The following BCAS2 variants were observed in gnomAD, a reference collection of about 807,000 sequenced individuals.
BCAS2 encodes BCAS2 pre-mRNA processing factor.
BCAS2 carries 34 observed loss-of-function variants against 35.3 expected under a neutral mutation model. The observed-to-expected ratio is 0.96, with a 90% CI of 0.73 to 1.28. The LOEUF (loss-of-function observed/expected upper bound fraction) is 1.28. BCAS2 is among the 50% of genes most tolerant of loss of function. The pLI is 0.00. For synonymous variants in BCAS2, 75 were observed against 91.6 expected, an observed-to-expected ratio of 0.82 and a Z score of 1.03; for missense variants, 221 against 268.1, an observed-to-expected ratio of 0.82 and a Z score of 1.23.
chr1:114,581,580 T>G lies in BCAS2; in HGVS notation c.12A>C (p.Thr4=). 1 of 1,603,436 alleles carries G rather than the reference T, an allele frequency of 6.2e-7. No homozygotes were observed. MAG[T]GLVAGEVVVD... Reference sequence around the variant, plus strand: ...CCACAACCTCTCCAGCCACCAAACCTGTGCCCGCCATTCTGAGGACCTCAG... The same window carrying G: ...CCACAACCTCTCCAGCCACCAAACCGGTGCCCGCCATTCTGAGGACCTCAG... Residue 4 remains threonine (T), a synonymous_variant, in exon 1 of 7, where the codon ACA becomes ACC. Coordinates refer to ENST00000369541, the MANE Select transcript of BCAS2 (RefSeq NM_005872.3).
chr1:114,570,403 T>C (rs2101626262), intron 5 of BCAS2, among the ~76,000 whole-genome samples: 1 of 152,318 alleles, frequency 6.6e-6, no homozygotes, highest in East Asian at 1.9e-4. Context: ...TATGTGTGTG[T>C]AGAAATTGGT....
chr1:114,576,247 C>CTCTCTATATA (rs1423198106), intron 3 of BCAS2, among the ~76,000 whole-genome samples: 4 of 131,652 alleles, frequency 3.0e-5, no homozygotes, highest in African/African-American at 1.2e-4. Flanking sequence ...CTCTCTCTCT[C>CTCTCTATATA]TATATATATA....
Position 114,568,218 on chromosome 1 carries a change from C to T in BCAS2, c.590G>A (p.Arg197Gln), listed in dbSNP as rs752538298. 6 of 1,613,712 alleles carry T rather than the reference C, an allele frequency of 3.7e-6. No homozygotes were observed. Among genetic ancestry groups the T allele is most frequent in the Non-Finnish European group, 4.2e-6 (5 of 1,179,846 alleles). The change falls in exon 7 of 7, where the codon CGG (arginine) becomes CAG (glutamine). Residue 197 changes from arginine (R) to glutamine (Q), a missense_variant. Physicochemically the swap from Arg to Gln is conservative, Grantham distance 43. Transcript: ENST00000369541. The part of the protein sequence containing the change: ...SLVSKNYEIE[R>Q]TIVQLENEIY... ...TTCATTTTCTAGCTGAACAATAGTC[C>T]GTTCAATCTCATAATTCTTACTGAC...
chr1:114,574,228 CATT>C (rs1654708218), intron 4 of BCAS2, among the ~76,000 whole-genome samples: 1 of 152,172 alleles, frequency 6.6e-6, no homozygotes, highest in Non-Finnish European at 1.5e-5. Context: ...GTTTTGCAGT[CATT>C]CATGGACATG....
chr1:114,575,607 G>A lies in BCAS2; in HGVS notation c.402C>T (p.Ala134=), dbSNP rs760599724. ...LELMSQHGCN[A]WKVYNENLVH... ...GTTCTTACTCATTGTATACTTTCCA[G>A]GCATTACATCCATGCTGTGACATTA... The change falls in exon 4 of 7, where the codon GCC becomes GCT. Residue 134 remains alanine (A), a synonymous_variant. Transcript: ENST00000369541. 14 of 1,603,268 alleles carry A rather than the reference G, an allele frequency of 8.7e-6. No homozygotes were observed. The Admixed American group carries it at 1.8e-4, about 20-fold the overall frequency.
chr1:114,575,711 T>G lies in BCAS2; in HGVS notation c.298A>C (p.Ile100Leu). ...TTTACACATTCTTGCCATGCAGTAA[T>G]GTCATTTTTTTGACCAGAGGAGGGG... Reference protein sequence around the residue: ...PAPSSGQKNDITAWQECVNNS... With the variant: ...PAPSSGQKNDLTAWQECVNNS... Residue 100 changes from isoleucine (I) to leucine (L), a missense_variant, in exon 4 of 7, where the codon ATT becomes CTT. Transcript: ENST00000369541. The G allele has an allele frequency of 6.2e-7, 1 of 1,613,070 alleles. No homozygotes were observed. Among genetic ancestry groups the G allele is most frequent in the South Asian group, 1.1e-5 (1 of 90,644 alleles).
rs778383536 is a variant in BCAS2, at chr1:114,581,408, G to A, written c.94-17C>T. 5.6e-6 allele frequency: 9 copies of A among 1,613,980 alleles called. No homozygotes were observed. Among genetic ancestry groups the A allele is most frequent in the South Asian group, 1.1e-5 (1 of 91,080 alleles). On this transcript the variant is annotated splice_polypyrimidine_tract_variant and intron_variant, in intron 1 of 6. Coordinates refer to ENST00000369541, the MANE Select transcript of BCAS2 (RefSeq NM_005872.3). ...CGCTGCAGCCTAAGAAAGAGAATAGGGACCAGGGTAGAAGTGGCAAATTGT... is the reference window on the plus strand; with the variant it reads ...CGCTGCAGCCTAAGAAAGAGAATAGAGACCAGGGTAGAAGTGGCAAATTGT...
chr1:114,580,888 A>C (rs886624673), intron 2 of BCAS2, among the ~76,000 whole-genome samples: 1 of 152,180 alleles, frequency 6.6e-6, no homozygotes, highest in African/African-American at 2.4e-5. Context: ...CAGTCGTATC[A>C]CATACATTTG....
Position 114,567,994 on chromosome 1 carries a change from G to A in BCAS2, c.*136C>T. 1 of 1,172,612 alleles carries A rather than the reference G, an allele frequency of 8.5e-7. No homozygotes were observed. The highest frequency in any genetic ancestry group is 1.2e-6 in the Non-Finnish European group (1 of 825,120). 72.6% of individuals were successfully genotyped at this position (1,172,612 alleles called of 1,614,324 possible). On this transcript the variant is annotated 3_prime_UTR_variant, in exon 7 of 7. Coordinates refer to ENST00000369541, the MANE Select transcript of BCAS2 (RefSeq NM_005872.3). ...ATATACAAATAGAATTACCACAGCA[G>A]CCTACACCTTCTATGATTTCTAAAC...
Position 114,575,604 on chromosome 1 carries a change from C to T in BCAS2, c.405G>A (p.Trp135Ter). Residue 135 changes from tryptophan (W) to a stop codon, truncating the protein, a stop_gained, in exon 4 of 7, where the codon TGG (tryptophan) becomes TGA (stop). Transcript: ENST00000369541. LOFTEE classifies it high-confidence loss of function. ...AAGGTTCTTACTCATTGTATACTTT[C>T]CAGGCATTACATCCATGCTGTGACA... ...ELMSQHGCNA[W>*]KVYNENLVHM... The T allele has an allele frequency of 1.2e-6, 2 of 1,602,492 alleles. No homozygotes were observed. Among genetic ancestry groups the T allele is most frequent in the Non-Finnish European group, 1.7e-6 (2 of 1,177,484 alleles).
At chr1:114,579,608 T>C (rs190438949) in intron 2 of BCAS2, among the ~76,000 whole-genome samples, 56 of 152,264 alleles carry the variant, frequency 3.7e-4, no homozygotes, top group African/African-American at 1.3e-3. Flanking sequence ...GGCTTACACC[T>C]GTATCCCAAC....
At chr1:114,574,383 T>C (rs1469446774) in intron 4 of BCAS2, among the ~76,000 whole-genome samples, 1 of 152,234 alleles carries the variant, frequency 6.6e-6, no homozygotes, top group Non-Finnish European at 1.5e-5. Context: ...TGGGATCTGT[T>C]AGTGGGGCAG....
At chr1:114,574,291 A>C (rs1244405770) in intron 4 of BCAS2, among the ~76,000 whole-genome samples, 1 of 152,254 alleles carries the variant, frequency 6.6e-6, no homozygotes, top group African/African-American at 2.4e-5. Flanking sequence ...TTTTCAGCTG[A>C]GGATGAACAA....
intron 4 of BCAS2, among the ~76,000 whole-genome samples, chr1:114,571,946 G>A (rs778881153): frequency 2.0e-5 from 3 of 152,174 alleles, no homozygotes; most frequent in Non-Finnish European, 4.4e-5. Flanking sequence ...CAATAATACA[G>A]AGTACCATAT....
At chr1:114,570,193 GCTAA>G in intron 5 of BCAS2, 121 bp from the exon 6 acceptor site, 1 of 669,880 alleles carries the variant, frequency 1.5e-6, no homozygotes, top group South Asian at 2.0e-5. Flanking sequence ...ACAGTTATAG[GCTAA>G]CTGTAGAAAT....
intron 2 of BCAS2, among the ~76,000 whole-genome samples, chr1:114,578,548 G>A (rs766568216): frequency 2.6e-5 from 4 of 152,190 alleles, no homozygotes; most frequent in Non-Finnish European, 5.9e-5. Context: ...AGTGTTCATG[G>A]AGCGGCAAGG....
Position 114,573,122 on chromosome 1 carries a change from C to CAAAA in BCAS2, c.420-2376_420-2373dup, listed in dbSNP as rs34796829. On this transcript the variant is annotated intron_variant, in intron 4 of 6. Transcript: ENST00000369541. ...CTGTCCCGCCCCCCGCCCCCACCTC[C>CAAAA]AAAAAAAAAAAAAAAAAAAAAAAAA... Among the ~76,000 whole-genome samples, 9 of 6,366 alleles carry CAAAA rather than the reference C, an allele frequency of 1.4e-3. 2 individuals are homozygous for CAAAA. The highest frequency in any genetic ancestry group is 4.9e-3 in the African/African-American group (8 of 1,632). The allele number at this position is 6,366 out of a possible 152,430, so 4.2% of individuals were successfully genotyped here.
intron 4 of BCAS2, among the ~76,000 whole-genome samples, chr1:114,571,729 T>G (rs1654648583): frequency 6.6e-6 from 1 of 152,192 alleles, no homozygotes; most frequent in South Asian, 2.1e-4. Context: ...CTTATTTTAT[T>G]TCTCAACCCC....
chr1:114,581,478 AC>A lies in BCAS2; in HGVS notation c.93+20del, dbSNP rs1654889249. 1 of 1,613,980 alleles carries A rather than the reference AC, an allele frequency of 6.2e-7. No homozygotes were observed. The highest frequency in any genetic ancestry group is 8.5e-7 in the Non-Finnish European group (1 of 1,179,974). ...CGAGCCAGCTAGCAGTGAGTCAGCT[AC>A]AAAGACACCCCGCACTCACCGCTTC... On this transcript the variant is annotated intron_variant, in intron 1 of 6. Transcript: ENST00000369541.
Sources: gnomAD v4.1 joint callset for allele counts (sites outside exome capture counted in the v4.1 genomes callset) on GRCh38, gnomAD v4.1.1 for gene constraint, MANE v1.5 for transcripts, NCBI Gene and HGNC (gene_info 2026-07-23, HGNC 2026-07-21) for gene names.